AFG1L: variants seen among roughly 807,000 people sequenced by gnomAD.
AFG1L encodes the protein AFG1 like ATPase, also known as AFG1-like ATPase.
A neutral mutation model predicts 62.2 loss-of-function variants in AFG1L; 53 were observed. The ratio of observed to expected loss-of-function variants is 0.85; its 90% CI spans 0.68 to 1.07. AFG1L has a LOEUF of 1.07. Among genes scored for constraint, AFG1L ranks in the 50% least tolerant of loss-of-function variants. The pLI, the probability that AFG1L is intolerant of heterozygous loss-of-function variation, is 0.00. For missense variants in AFG1L, 555 were observed against 590.5 expected (o/e 0.94, Z 0.62); for synonymous variants, 228 against 210.3 (o/e 1.08, Z -0.73).
intron 10 of AFG1L, among the ~76,000 whole-genome samples, chr6:108,482,611 C>T (rs974990453): frequency 3.9e-5 from 6 of 152,112 alleles, no homozygotes; most frequent in Non-Finnish European, 8.8e-5. Context: ...TTAGCTATGT[C>T]TCCTTAGGCT....
intron 8 of AFG1L, among the ~76,000 whole-genome samples, chr6:108,468,576 C>T (rs1772761984): frequency 6.6e-6 from 1 of 151,982 alleles, no homozygotes; most frequent in South Asian, 2.1e-4. Flanking sequence ...ATTCATTGAA[C>T]CCTGTCAGCT....
chr6:108,429,478 G>C (rs1770971854), intron 7 of AFG1L, among the ~76,000 whole-genome samples: 1 of 152,116 alleles, frequency 6.6e-6, no homozygotes, highest in Non-Finnish European at 1.5e-5. Context: ...CCTCCCACCA[G>C]GTCCTTTCCA....
At chr6:108,324,380 C>G (rs1777947990) in intron 2 of AFG1L, among the ~76,000 whole-genome samples, 1 of 152,218 alleles carries the variant, frequency 6.6e-6, no homozygotes, top group African/African-American at 2.4e-5. Context: ...TGTTCTTTCC[C>G]TTTTCTTCCT....
intron 11 of AFG1L, among the ~76,000 whole-genome samples, chr6:108,511,921 G>A (rs1159909544): frequency 1.3e-5 from 2 of 152,226 alleles, no homozygotes; most frequent in Admixed American, 1.3e-4. Context: ...TGAATCAGAT[G>A]TCCACAGAAC....
chr6:108,470,533 A>G (rs1416511205), intron 8 of AFG1L, among the ~76,000 whole-genome samples: 2 of 152,108 alleles, frequency 1.3e-5, no homozygotes, highest in Non-Finnish European at 2.9e-5. Context: ...TTTGTGCCTT[A>G]ATTGTAATTC....
intron 10 of AFG1L, among the ~76,000 whole-genome samples, chr6:108,485,657 T>TATATATATATATATATATATATATA (rs869070532): frequency 7.9e-5 from 1 of 12,628 alleles, no homozygotes; most frequent in Admixed American, 1.7e-3. Context: ...TATATATATA[T>TATATATATATATATATATATATATA]TTTTTTTTTT....
At chr6:108,373,433 C>A (rs1380941644) in intron 6 of AFG1L, among the ~76,000 whole-genome samples, 3 of 151,980 alleles carry the variant, frequency 2.0e-5, no homozygotes, top group Non-Finnish European at 4.4e-5. Flanking sequence ...CTCATCCAGT[C>A]GTCATTAATG....
intron 6 of AFG1L, among the ~76,000 whole-genome samples, chr6:108,385,640 G>T (rs932436838): frequency 5.3e-5 from 8 of 152,180 alleles, no homozygotes; most frequent in African/African-American, 1.9e-4. Flanking sequence ...TTCTGTACGT[G>T]TGTCTTTAAT....
intron 10 of AFG1L, among the ~76,000 whole-genome samples, chr6:108,488,736 C>T (rs558182067): frequency 5.9e-5 from 9 of 151,778 alleles, no homozygotes; most frequent in South Asian, 4.2e-4. Context: ...AGTGTGATGG[C>T]GCACATCTAT....
intron 10 of AFG1L, among the ~76,000 whole-genome samples, chr6:108,484,248 T>C (rs912006459): frequency 6.6e-6 from 1 of 152,194 alleles, no homozygotes; most frequent in African/African-American, 2.4e-5. Flanking sequence ...CTGTGTATGC[T>C]CATTTCCCAC....
intron 1 of AFG1L, among the ~76,000 whole-genome samples, chr6:108,298,260 ATTTTT>A (rs779200181): frequency 6.6e-4 from 80 of 121,486 alleles, no homozygotes; most frequent in African/African-American, 2.6e-3. Flanking sequence ...GAGGGGAAGA[ATTTTT>A]TTTTTTTTTT....
chr6:108,396,300 A>T (rs1781305257), intron 6 of AFG1L, among the ~76,000 whole-genome samples: 1 of 152,112 alleles, frequency 6.6e-6, no homozygotes, highest in Non-Finnish European at 1.5e-5. Context: ...GACAATACAT[A>T]TGTTTACATG....
At chr6:108,437,066 C>T (rs2114726276) in intron 7 of AFG1L, among the ~76,000 whole-genome samples, 1 of 152,178 alleles carries the variant, frequency 6.6e-6, no homozygotes, top group East Asian at 1.9e-4. Flanking sequence ...CTCCCTCAGC[C>T]TTTTTTTATA....
rs1334408041 is a variant in AFG1L at position 108,524,576 on chromosome 6, G to GA, written c.*2158dup. The GA allele has an allele frequency of 3.9e-5, 6 of 152,146 alleles. No individual in the cohort carries two copies. Among genetic ancestry groups the GA allele is most frequent in the Admixed American group, 1.3e-4 (2 of 15,270 alleles). The allele number at this position is 152,146 out of a possible 1,614,324, so 9.4% of individuals were successfully genotyped here. ...TGGTACGAAAGAACTTAAACCCTGA[G>GA]AAAAAAACTGTAGCTCAGTCTCCAC... On this transcript the variant is annotated 3_prime_UTR_variant, in exon 13 of 13. Coordinates refer to ENST00000368977, the MANE Select transcript of AFG1L (RefSeq NM_145315.5).
chr6:108,377,349 T>C (rs745352622), intron 6 of AFG1L, among the ~76,000 whole-genome samples: 25 of 152,210 alleles, frequency 1.6e-4, no homozygotes, highest in East Asian at 3.8e-4. Flanking sequence ...CTGTGGGCTA[T>C]GTACTTAAGT....
In AFG1L at chr6:108,495,363, C is replaced by T. The variant is rs1037781194; in HGVS notation, c.1063-14849C>T. 4.6e-5 allele frequency among the ~76,000 whole-genome samples: 7 copies of T among 152,082 alleles called. 1 individual carries two copies. The highest frequency in any genetic ancestry group is 4.2e-4 in the South Asian group (2 of 4,814). ...ACAGATAAAGAGTAACCCTTAGGAC[C>T]GTATAATCTAGATAGAGCTTGAAAT... On this transcript the variant is annotated intron_variant, in intron 10 of 12. Transcript: ENST00000368977.
At chr6:108,348,405 TTAAACTGTTCCTTTC>T (rs1398719222) in intron 3 of AFG1L, among the ~76,000 whole-genome samples, 6 of 152,212 alleles carry the variant, frequency 3.9e-5, no homozygotes, top group African/African-American at 1.2e-4. Context: ...GCCTTAAAGA[TTAAACTGTTCCTTTC>T]TAAACTGTTC....
chr6:108,334,164 G>A (rs1350287086), intron 2 of AFG1L, among the ~76,000 whole-genome samples: 1 of 151,940 alleles, frequency 6.6e-6, no homozygotes, highest in Non-Finnish European at 1.5e-5. Context: ...GCGCCACCAC[G>A]CCTGGCTAAT....
chr6:108,431,217 C>T (rs1194531006), intron 7 of AFG1L, among the ~76,000 whole-genome samples: 2 of 151,980 alleles, frequency 1.3e-5, no homozygotes, highest in African/African-American at 4.8e-5. Context: ...GCTTCTTCTG[C>T]CTCAGCCTCC....
Sources: gnomAD v4.1 joint callset for allele counts (sites outside exome capture counted in the v4.1 genomes callset) on GRCh38, gnomAD v4.1.1 for gene constraint, MANE v1.5 for transcripts, NCBI Gene and HGNC (gene_info 2026-07-23, HGNC 2026-07-21) for gene names.